The following CELSR2 variants were observed in gnomAD, a reference collection of about 807,000 sequenced individuals.
CELSR2 encodes the protein EGF-like protein 2.
Under a neutral mutation model 251.6 loss-of-function variants are expected in CELSR2, and 81 were observed. The observed-to-expected ratio is 0.32, with a 90% confidence interval of 0.27 to 0.39. The LOEUF is 0.39. CELSR2 is among the 10% of genes least tolerant of loss of function. The probability of loss-of-function intolerance (pLI) is 1.00; values close to 1 mark genes in which losing one functional copy is unlikely to be tolerated. For missense variants in CELSR2, 3,365 were observed against 3,947.7 expected, an observed-to-expected ratio of 0.85 and a Z score of 3.96; for synonymous variants, 1,721 against 1,670.5, an observed-to-expected ratio of 1.03 and a Z score of -0.74.
chr1:109,258,964 G>A lies in CELSR2; in HGVS notation c.3843G>A (p.Thr1281=), dbSNP rs2101247995. Residue 1281 remains threonine (T), a synonymous_variant, in exon 2 of 34, where the codon ACG becomes ACA. Transcript: ENST00000271332. ...GCTGCCGCTGCCCGCCCGGCTTCACGGGTGACTACTGCGAGACCGAGGTGG... is the reference window on the plus strand; with the variant it reads ...GCTGCCGCTGCCCGCCCGGCTTCACAGGTGACTACTGCGAGACCGAGGTGG... The part of the protein sequence containing the change: ...GLRCRCPPGF[T]GDYCETEVDL... The A allele has an allele frequency of 6.2e-7, 1 of 1,610,870 alleles. No homozygotes were observed. Among genetic ancestry groups the A allele is most frequent in the Admixed American group, 1.7e-5 (1 of 59,976 alleles).
chr1:109,261,456 G>T lies in CELSR2; in HGVS notation c.4182-57G>T, dbSNP rs568874231. Reference sequence around the variant, plus strand: ...CCCCTGCGCTGGTTAGGTGGCGGGGGTGCTGGCATCCAGGTGGGTACCCCA... The same window carrying T: ...CCCCTGCGCTGGTTAGGTGGCGGGGTTGCTGGCATCCAGGTGGGTACCCCA... On this transcript the variant is annotated intron_variant, in intron 3 of 33. Coordinates refer to ENST00000271332, the MANE Select transcript of CELSR2 (RefSeq NM_001408.3). This position sits in a 1 kb window ranked among gnomAD's most constrained non-coding sequence, Gnocchi z 4.8. 3.9e-6 allele frequency: 6 copies of T among 1,528,072 alleles called. No individual in the cohort carries two copies. In the Admixed American group the frequency reaches 5.0e-5, roughly 13 times the overall value. The allele number at this position is 1,528,072 out of a possible 1,614,324, so 94.7% of individuals were successfully genotyped here. A position where few individuals can be genotyped will look rare whatever the true frequency, so the allele number is the denominator to read the frequency against.
chr1:109,259,462 G>A (rs142470923), intron 2 of CELSR2, among the ~76,000 whole-genome samples: 43 of 152,344 alleles, frequency 2.8e-4, no homozygotes, highest in African/African-American at 9.9e-4. Context: ...TGGTTGTGAG[G>A]ATTAATGTAA....
chr1:109,253,315 C>T lies in CELSR2; in HGVS notation c.3236C>T (p.Thr1079Met), dbSNP rs1384676353. Reference sequence around the variant, plus strand: ...AGCCTGGTCCTGCTCAATGCCTCCACGGGTGAGCTGAAGCTAAGCCGCGCA... The same window carrying T: ...AGCCTGGTCCTGCTCAATGCCTCCATGGGTGAGCTGAAGCTAAGCCGCGCA... ...ELSLVLLNAS[T>M]GELKLSRALD... is the part of the protein sequence containing the mutation. The change falls in exon 1 of 34, where the codon ACG becomes ATG. Residue 1079 changes from threonine (T) to methionine (M), a missense_variant. By Grantham distance (81) the Thr-to-Met change is moderately conservative. Around this residue, in one of 5 missense-constraint regions of CELSR2, gnomAD observed 505 missense variants for 660.0 expected, o/e 0.77. Transcript: ENST00000271332. 3 of 1,613,472 alleles carry T rather than the reference C, an allele frequency of 1.9e-6. No homozygotes were observed. The highest frequency in any genetic ancestry group is 4.5e-5 in the East Asian group (2 of 44,892).
intron 11 of CELSR2, 39 bp downstream of exon 11, chr1:109,264,667 TGCCTGGGGCCACATGC>T: frequency 6.3e-7 from 1 of 1,598,424 alleles, no homozygotes; most frequent in Non-Finnish European, 8.6e-7. Flanking sequence ...GGTTATCAGG[TGCCTGGGGCCACATGC>T]TGGCTCTGCT....
At position 109,261,225 on chromosome 1, in the gene CELSR2, G is replaced by A. The variant is rs370985403; in HGVS notation, c.4142G>A (p.Arg1381His). Residue 1381 changes from arginine (R) to histidine (H), a missense_variant, in exon 3 of 34, where the codon CGC becomes CAC. Coordinates refer to ENST00000271332, the MANE Select transcript of CELSR2 (RefSeq NM_001408.3). This position sits in a 1 kb window ranked among gnomAD's most constrained non-coding sequence, Gnocchi z 4.8. ...CCCGCCCACTCCTTCATCACCTTTC[G>A]CGGCCTGCGCCAGCGTTTCCACTTC... ...SFPAHSFITFRGLRQRFHFTL... is the reference protein window; with the variant it reads ...SFPAHSFITFHGLRQRFHFTL... 22 of 1,613,756 alleles carry A rather than the reference G, an allele frequency of 1.4e-5. No individual in the cohort carries two copies. The highest frequency in any genetic ancestry group is 8.0e-5 in the African/African-American group (6 of 74,914).
In CELSR2 at chr1:109,251,815, G is replaced by T; in HGVS notation, c.1736G>T (p.Gly579Val). The change falls in exon 1 of 34, where the codon GGG becomes GTG. Residue 579 changes from glycine (G) to valine (V), a missense_variant. Gly to Val is a moderately radical substitution (Grantham distance 109, BLOSUM62 -3). Transcript: ENST00000271332. This position sits in a 1 kb window ranked among gnomAD's most constrained non-coding sequence, Gnocchi z 4.9. Reference protein sequence around the residue: ...DREEVDFYSFGVEARDHGTPA... With the variant: ...DREEVDFYSFVVEARDHGTPA... ...GAGGAAGTTGATTTCTACAGCTTTGGGGTAGAAGCTCGAGACCATGGCACT... is the reference window on the plus strand; with the variant it reads ...GAGGAAGTTGATTTCTACAGCTTTGTGGTAGAAGCTCGAGACCATGGCACT... 6.2e-7 allele frequency: 1 copy of T among 1,614,092 alleles called. No homozygotes were observed. The highest frequency in any genetic ancestry group is 1.3e-5 in the African/African-American group (1 of 75,026).
In CELSR2 at chr1:109,250,576, C is replaced by G. The variant is rs770536748; in HGVS notation, c.497C>G (p.Ser166Cys). Residue 166 changes from serine to cysteine, a missense_variant, in exon 1 of 34, where the codon TCC becomes TGC. Transcript: ENST00000271332. The surrounding 1 kb of genome is among the most constrained non-coding windows in gnomAD (Gnocchi z 4.4). ...GCAGGGGAAAGGTCACCAGAAGAGT[C>G]CCTGGGTGGGCGTCGGAAAAGGAAT... ...LRAGERSPEE[S>C]LGGRRKRNVN... 34 of 1,613,926 alleles carry G rather than the reference C, an allele frequency of 2.1e-5. No homozygotes were observed. Among genetic ancestry groups the G allele is most frequent in the Non-Finnish European group, 2.8e-5 (33 of 1,180,010 alleles).
chr1:109,268,179 C>T, intron 17 of CELSR2, 119 bp downstream of exon 17: 2 of 1,403,070 alleles, frequency 1.4e-6, no homozygotes, highest in Non-Finnish European at 1.9e-6. Flanking sequence ...GAGCTCCCTG[C>T]TGGCAGGAGG....
chr1:109,256,756 C>T (rs1166274439), intron 1 of CELSR2, among the ~76,000 whole-genome samples: 1 of 152,202 alleles, frequency 6.6e-6, no homozygotes, highest in Non-Finnish European at 1.5e-5. Context: ...ATTCTCCTGC[C>T]TCAGCCTCCT....
intron 17 of CELSR2, 102 bp from the exon 18 acceptor site, chr1:109,268,479 C>T (rs1656271182): frequency 7.1e-7 from 1 of 1,416,908 alleles, no homozygotes; most frequent in Non-Finnish European, 9.4e-7. Context: ...AGGGAGGGGC[C>T]TGGTGGGGAG....
At chr1:109,262,729 T>G (rs889139105) in intron 6 of CELSR2, 77 bp from the exon 7 acceptor site, 3 of 1,572,128 alleles carry the variant, frequency 1.9e-6, no homozygotes, top group Non-Finnish European at 2.6e-6. Context: ...TTCGTGTCTC[T>G]GGCCTGGCGG....
chr1:109,261,698 GC>G lies in CELSR2; in HGVS notation c.4297+72del. On this transcript the variant is annotated intron_variant, in intron 4 of 33. Coordinates refer to ENST00000271332, the MANE Select transcript of CELSR2 (RefSeq NM_001408.3). This position sits in a 1 kb window ranked among gnomAD's most constrained non-coding sequence, Gnocchi z 4.8. ...CAAGTCTTCCAGCCCCTGACCCCAA[GC>G]CACATACTCTATCAGCCAAATCTGG... is the stretch of plus-strand genomic sequence containing the variant. 1 of 1,556,170 alleles carries G rather than the reference GC, an allele frequency of 6.4e-7. No homozygotes were observed. The highest frequency in any genetic ancestry group is 8.8e-7 in the Non-Finnish European group (1 of 1,130,084).
chr1:109,273,577 C>T lies in CELSR2; in HGVS notation c.8651C>T (p.Pro2884Leu). Reference sequence around the variant, plus strand: ...GGAGGCCCCCCTCCCCGCCCACCGCCCCGGCAGAGCCTCCAGGAGCAGCTG... The same window carrying T: ...GGAGGCCCCCCTCCCCGCCCACCGCTCCGGCAGAGCCTCCAGGAGCAGCTG... ...SRGGPPPRPP[P>L]RQSLQEQLNG... The change falls in exon 33 of 34, where the codon CCC becomes CTC. Residue 2884 changes from proline to leucine, a missense_variant. By Grantham distance (98) the Pro-to-Leu change is moderately conservative. Transcript: ENST00000271332. 1 of 1,561,736 alleles carries T rather than the reference C, an allele frequency of 6.4e-7. No individual in the cohort carries two copies.
chr1:109,273,510 A>T lies in CELSR2; in HGVS notation c.8584A>T (p.Thr2862Ser). Residue 2862 changes from threonine (T) to serine (S), a missense_variant, in exon 33 of 34, where the codon ACA becomes TCA. Thr to Ser is a moderately conservative substitution (Grantham distance 58, BLOSUM62 1). Coordinates refer to ENST00000271332, the MANE Select transcript of CELSR2 (RefSeq NM_001408.3). ...SLLRLPLEQC[T>S]GSSRGSSASE... ...CCTGCGGCTCCCCCTGGAGCAATGC[A>T]CAGGGTCTTCCCGGGGCTCCTCCGC... is the stretch of plus-strand genomic sequence containing the variant. The T allele has an allele frequency of 6.2e-7, 1 of 1,608,750 alleles. No individual in the cohort carries two copies. Among genetic ancestry groups the T allele is most frequent in the Non-Finnish European group, 8.5e-7 (1 of 1,178,064 alleles).
At position 109,250,884 on chromosome 1, in the gene CELSR2, C is replaced by T. The variant is rs2101229550; in HGVS notation, c.805C>T (p.Arg269Ter). The change falls in exon 1 of 34, where the codon CGA becomes TGA. Residue 269 changes from arginine (R) to a stop codon, truncating the protein, a stop_gained. Coordinates refer to ENST00000271332, the MANE Select transcript of CELSR2 (RefSeq NM_001408.3). LOFTEE classifies it high-confidence loss of function. The surrounding 1 kb of genome is among the most constrained non-coding windows in gnomAD (Gnocchi z 4.4). ...VTAQDHGMPR[R>*]SALATLTILV... ...GGCGCAGGACCACGGCATGCCCCGA[C>T]GAAGTGCCCTGGCTACACTCACCAT... 2 of 1,614,016 alleles carry T rather than the reference C, an allele frequency of 1.2e-6. No individual in the cohort carries two copies. The highest frequency in any genetic ancestry group is 1.3e-5 in the African/African-American group (1 of 75,062).
chr1:109,263,200 C>T lies in CELSR2; in HGVS notation c.4767C>T (p.Cys1589=), dbSNP rs749455044. 8.1e-6 allele frequency: 13 copies of T among 1,599,626 alleles called. No individual in the cohort carries two copies. The Admixed American group carries it at 8.4e-5, about 10-fold the overall frequency. The change falls in exon 8 of 34, where the codon TGC becomes TGT. Residue 1589 remains cysteine, a synonymous_variant. Transcript: ENST00000271332. The part of the protein sequence containing the change: ...DSNTCHNGGT[C]VNQWDAFSCE... ...ACACTTGCCACAATGGGGGCACTTGCGTGAACCAGTGGGACGCGTTCAGCT... is the reference window on the plus strand; with the variant it reads ...ACACTTGCCACAATGGGGGCACTTGTGTGAACCAGTGGGACGCGTTCAGCT...
In CELSR2 at chr1:109,261,265, G is replaced by A; in HGVS notation, c.4181+1G>A. On this transcript the variant is annotated splice_donor_variant, in intron 3 of 33. Transcript: ENST00000271332. LOFTEE classifies it high-confidence loss of function. The surrounding 1 kb of genome is among the most constrained non-coding windows in gnomAD (Gnocchi z 4.8). Reference sequence around the variant, plus strand: ...GTTTCCACTTCACCCTGGCCCTCTCGTGAGTGGCTGGGCACTGGGGGTGGG... The same window carrying A: ...GTTTCCACTTCACCCTGGCCCTCTCATGAGTGGCTGGGCACTGGGGGTGGG... The A allele has an allele frequency of 5.6e-6, 9 of 1,612,148 alleles. No homozygotes were observed. Among genetic ancestry groups the A allele is most frequent in the Non-Finnish European group, 6.8e-6 (8 of 1,179,468 alleles).
At chr1:109,262,190 C>T in intron 5 of CELSR2, 97 bp from the exon 6 acceptor site, 2 of 1,502,062 alleles carry the variant, frequency 1.3e-6, no homozygotes, top group South Asian at 1.2e-5. Context: ...TGTGTCTGGG[C>T]ATGTGGGTGC....
chr1:109,257,041 C>G (rs778344754), intron 1 of CELSR2, among the ~76,000 whole-genome samples: 1 of 152,228 alleles, frequency 6.6e-6, no homozygotes, highest in Non-Finnish European at 1.5e-5. Flanking sequence ...TGAACACCTA[C>G]TATGTGTAAG....
Sources: gnomAD v4.1 joint callset for allele counts (sites outside exome capture counted in the v4.1 genomes callset) on GRCh38, gnomAD v4.1.1 for gene constraint, gnomAD v4.1.1 regional missense constraint, Gnocchi (gnomAD v3.1) non-coding constraint, MANE v1.5 for transcripts, NCBI Gene and HGNC (gene_info 2026-07-23, HGNC 2026-07-21) for gene names.